CTNNA3: variants seen among roughly 807,000 people sequenced by gnomAD.
CTNNA3 encodes the protein catenin alpha 3.
A neutral mutation model predicts 95.7 loss-of-function variants in CTNNA3; 76 were observed. The ratio of observed to expected loss-of-function variants is 0.79; its 90% CI spans 0.66 to 0.96. The LOEUF is 0.96. Among genes scored for constraint, CTNNA3 ranks in the 40% least tolerant of loss-of-function variants. The probability of loss-of-function intolerance (pLI) is 0.00; values close to 1 mark genes in which losing one functional copy is unlikely to be tolerated. For missense variants in CTNNA3, 1,191 were observed against 1,089.8 expected, an observed-to-expected ratio of 1.09 and a Z score of -1.31; for synonymous variants, 431 against 374.4, an observed-to-expected ratio of 1.15 and a Z score of -1.74.
At chr10:66,398,053 GAT>G (rs1372038859) in intron 11 of CTNNA3, among the ~76,000 whole-genome samples, 2 of 151,750 alleles carry the variant, frequency 1.3e-5, no homozygotes, top group African/African-American at 4.8e-5. Flanking sequence ...TTATATAAAA[GAT>G]ATTTTAGTAA....
chr10:67,138,655 T>G (rs1860403750), intron 7 of CTNNA3, among the ~76,000 whole-genome samples: 2 of 152,170 alleles, frequency 1.3e-5, no homozygotes, highest in Admixed American at 1.3e-4. Context: ...TAAAAATTAT[T>G]CCTTTCAACC....
chr10:66,225,332 A>T (rs926792935), intron 13 of CTNNA3, among the ~76,000 whole-genome samples: 23 of 147,466 alleles, frequency 1.6e-4, no homozygotes, highest in African/African-American at 5.7e-4. Context: ...GCATAACATA[A>T]TCCCCTCCAG....
chr10:67,485,494 CTAAAAT>C (rs1564684669), intron 5 of CTNNA3, among the ~76,000 whole-genome samples: 3 of 152,018 alleles, frequency 2.0e-5, no homozygotes, highest in African/African-American at 7.3e-5. Flanking sequence ...CCCCTTGATT[CTAAAAT>C]TAAAATTAAA....
At chr10:66,139,812 C>T (rs2083524263) in intron 13 of CTNNA3, among the ~76,000 whole-genome samples, 1 of 152,126 alleles carries the variant, frequency 6.6e-6, no homozygotes, top group Non-Finnish European at 1.5e-5. Context: ...CAGCCTCAGT[C>T]ATCCTGAGAT....
chr10:66,434,877 G>A (rs553600327), intron 11 of CTNNA3, among the ~76,000 whole-genome samples: 11 of 151,878 alleles, frequency 7.2e-5, no homozygotes, highest in African/African-American at 1.9e-4. Context: ...TTTATCAAAG[G>A]CCTTTTTTGC....
intron 13 of CTNNA3, among the ~76,000 whole-genome samples, chr10:66,250,991 GC>G (rs1025344150): frequency 6.6e-6 from 1 of 152,160 alleles, no homozygotes; most frequent in Admixed American, 6.5e-5. Flanking sequence ...ATATTGCCCT[GC>G]CTTGTAGACC....
intron 5 of CTNNA3, among the ~76,000 whole-genome samples, chr10:67,241,581 G>A (rs1865719101): frequency 6.6e-6 from 1 of 152,150 alleles, no homozygotes; most frequent in African/African-American, 2.4e-5. Context: ...CAGACCACTT[G>A]TTTCCTGAAC....
intron 7 of CTNNA3, among the ~76,000 whole-genome samples, chr10:67,160,669 C>T (rs537703732): frequency 5.3e-4 from 80 of 152,010 alleles, no homozygotes; most frequent in Middle Eastern, 6.8e-3. Flanking sequence ...ACCCTGGGCT[C>T]GAGAGGTCTC....
chr10:67,002,218 C>A (rs911326612), intron 7 of CTNNA3, among the ~76,000 whole-genome samples: 9 of 152,096 alleles, frequency 5.9e-5, no homozygotes, highest in African/African-American at 1.9e-4. Flanking sequence ...GAAGCTTTTT[C>A]AAAACAATAA....
At chr10:67,300,847 C>T (rs1267315702) in intron 5 of CTNNA3, among the ~76,000 whole-genome samples, 2 of 152,286 alleles carry the variant, frequency 1.3e-5, no homozygotes, top group East Asian at 3.9e-4. Context: ...ACCTTCCCAT[C>T]TGGGCTATGT....
intron 15 of CTNNA3, among the ~76,000 whole-genome samples, chr10:66,009,492 G>A (rs944267983): frequency 5.9e-5 from 9 of 152,064 alleles, no homozygotes; most frequent in Admixed American, 3.9e-4. Flanking sequence ...TAAATCCTGG[G>A]AAGGCTACAA....
chr10:66,144,260 T>C (rs763592067), intron 13 of CTNNA3, among the ~76,000 whole-genome samples: 10 of 152,210 alleles, frequency 6.6e-5, no homozygotes, highest in Admixed American at 1.3e-4. Context: ...CAAATACTTA[T>C]GTTTTGTTTC....
chr10:65,963,592 TG>T (rs1554822119), intron 17 of CTNNA3, among the ~76,000 whole-genome samples: 2 of 152,220 alleles, frequency 1.3e-5, no homozygotes, highest in Non-Finnish European at 2.9e-5. Flanking sequence ...GAATCTTTTT[TG>T]TATATTCAGG....
chr10:66,900,678 C>A (rs1845703432), intron 7 of CTNNA3, among the ~76,000 whole-genome samples: 1 of 152,058 alleles, frequency 6.6e-6, no homozygotes, highest in Non-Finnish European at 1.5e-5. Context: ...TAGAGAAGAC[C>A]TTCAATGGCC....
chr10:66,362,660 C>T (rs923446639), intron 12 of CTNNA3, among the ~76,000 whole-genome samples: 9 of 151,924 alleles, frequency 5.9e-5, no homozygotes, highest in African/African-American at 2.2e-4. Flanking sequence ...TTGCAGTGAG[C>T]TGAGATCCTG....
chr10:66,884,094 G>A (rs541934562), intron 7 of CTNNA3, among the ~76,000 whole-genome samples: 1 of 152,100 alleles, frequency 6.6e-6, no homozygotes, highest in South Asian at 2.1e-4. Context: ...GAGGTGCCAG[G>A]CTCTTTTTAA....
intron 12 of CTNNA3, among the ~76,000 whole-genome samples, chr10:66,347,253 C>T (rs899510458): frequency 6.6e-6 from 1 of 152,008 alleles, no homozygotes; most frequent in Admixed American, 6.5e-5. Context: ...AAGGTAATAA[C>T]AATTTCCATA....
chr10:66,955,404 C>T (rs761739444), intron 7 of CTNNA3, among the ~76,000 whole-genome samples: 20 of 152,228 alleles, frequency 1.3e-4, no homozygotes, highest in Middle Eastern at 3.4e-3. Context: ...CACAATCACC[C>T]TATGATGTAG....
At chr10:66,911,726 C>T (rs1355158298) in intron 7 of CTNNA3, among the ~76,000 whole-genome samples, 1 of 152,148 alleles carries the variant, frequency 6.6e-6, no homozygotes, top group Non-Finnish European at 1.5e-5. Context: ...ATCCCAATTA[C>T]GTGAGTCTCT....
Sources: gnomAD v4.1 joint callset for allele counts (sites outside exome capture counted in the v4.1 genomes callset) on GRCh38, gnomAD v4.1.1 for gene constraint, MANE v1.5 for transcripts, NCBI Gene and HGNC (gene_info 2026-07-23, HGNC 2026-07-21) for gene names.